The following BCR variants were observed in gnomAD, a reference collection of about 807,000 sequenced individuals.
BCR encodes the protein breakpoint cluster region protein.
BCR carries 58 observed loss-of-function variants against 138.6 expected under a neutral mutation model. That is an observed-to-expected ratio of 0.42 (90% CI 0.34 to 0.52). The LOEUF (loss-of-function observed/expected upper bound fraction) is 0.52. Ranked by LOEUF, BCR falls within the 20% of genes least tolerant of loss-of-function variation. The probability of loss-of-function intolerance (pLI) is 0.06; values close to 1 mark genes in which losing one functional copy is unlikely to be tolerated. For synonymous variants in BCR, 786 were observed against 730.1 expected (o/e 1.08, Z -1.23); for missense variants, 1,599 against 1,727.2 (o/e 0.93, Z 1.32).
chr22:23,231,506 C>CATAAA (rs57803042), intron 1 of BCR, among the ~76,000 whole-genome samples: 23,132 of 128,668 alleles, frequency 0.18, 2,320 homozygotes, highest in South Asian at 0.21. Context: ...GACCCCGTCT[C>CATAAA]ATAAAATAAA....
Position 23,207,173 on chromosome 22 carries a change from C to T in BCR, c.1279+24934C>T, listed in dbSNP as rs537300221. Among the ~76,000 whole-genome samples the T allele has an allele frequency of 4.6e-5, 7 of 152,230 alleles. No homozygotes were observed. In the East Asian group the frequency reaches 1.4e-3, roughly 29 times the overall value. The stretch of plus-strand genomic sequence containing the variant: ...CTGGGGTCCAAGCACAATGCTTAGG[C>T]CTTGACTTTGTCCTTGACCTCAAGG... On this transcript the variant is annotated intron_variant, in intron 1 of 22. Coordinates refer to ENST00000305877, the MANE Select transcript of BCR (RefSeq NM_004327.4).
At chr22:23,263,055 C>A in intron 4 of BCR, 1 of 749,442 alleles carries the variant, frequency 1.3e-6, no homozygotes, top group Non-Finnish European at 2.0e-6. Context: ...CAGGGCTAGG[C>A]GGCGGGAGGG....
intron 1 of BCR, among the ~76,000 whole-genome samples, chr22:23,235,910 C>G (rs766821489): frequency 3.3e-5 from 5 of 152,284 alleles, no homozygotes; most frequent in South Asian, 2.1e-4. Context: ...CTGACCTAAT[C>G]ACCCCCAAAG....
chr22:23,209,404 A>G (rs979671881), intron 1 of BCR, among the ~76,000 whole-genome samples: 21 of 152,116 alleles, frequency 1.4e-4, no homozygotes, highest in Non-Finnish European at 2.1e-4. Context: ...ATAATATTCC[A>G]TTGGTAGACA....
chr22:23,273,830 C>T lies in BCR; in HGVS notation c.2115+56C>T, dbSNP rs141780479. 403 of 1,603,926 alleles carry T rather than the reference C, an allele frequency of 2.5e-4. 1 individual carries two copies. Among genetic ancestry groups the T allele is most frequent in the Non-Finnish European group, 3.2e-4 (379 of 1,172,484 alleles). ...CCCATCCTGCTGAGCTGGGGGCATG[C>T]AGGGCCCCTCGATCTGAGGTCTGGA... is the stretch of plus-strand genomic sequence containing the variant. On this transcript the variant is annotated intron_variant, in intron 8 of 22. Transcript: ENST00000305877.
intron 1 of BCR, among the ~76,000 whole-genome samples, chr22:23,191,188 T>C (rs903850680): frequency 2.0e-5 from 3 of 152,234 alleles, no homozygotes; most frequent in African/African-American, 7.2e-5. Context: ...CGCCTCGGCC[T>C]CCCGAAGTGC....
rs368866486 is a variant in BCR at position 23,181,605 on chromosome 22, C to T, written c.645C>T (p.Ser215=). 1.6e-4 allele frequency: 264 copies of T among 1,612,318 alleles called. 2 individuals carry two copies. The highest frequency in any genetic ancestry group is 2.1e-4 in the Non-Finnish European group (242 of 1,179,992). Reference sequence around the variant, plus strand: ...CCATGCAGATGGAGCGCAAAAAGTCCCAGCACGGCGCGGGCTCGAGCGTGG... The same window carrying T: ...CCATGCAGATGGAGCGCAAAAAGTCTCAGCACGGCGCGGGCTCGAGCGTGG... ...SQAMQMERKK[S]QHGAGSSVGD... is the part of the protein sequence containing the mutation. The change falls in exon 1 of 23, where the codon TCC becomes TCT. Residue 215 remains serine, a synonymous_variant. Transcript: ENST00000305877.
At chr22:23,200,012 C>T (rs184331567) in intron 1 of BCR, among the ~76,000 whole-genome samples, 136 of 150,872 alleles carry the variant, frequency 9.0e-4, no homozygotes, top group Non-Finnish European at 1.4e-3. Context: ...GGCATGAACT[C>T]GGGAGGCAGA....
intron 4 of BCR, among the ~76,000 whole-genome samples, chr22:23,267,277 G>A (rs2073453423): frequency 6.6e-6 from 1 of 152,098 alleles, no homozygotes; most frequent in South Asian, 2.1e-4. Context: ...CACGGATGAG[G>A]AAGAACCTAG....
chr22:23,271,098 C>T (rs1241245828), intron 5 of BCR, among the ~76,000 whole-genome samples: 2 of 152,246 alleles, frequency 1.3e-5, no homozygotes, highest in East Asian at 1.9e-4. Context: ...CCTCCATTTA[C>T]AGGATCCTCT....
intron 9 of BCR, 131 bp downstream of exon 9, chr22:23,284,229 C>A: frequency 7.4e-7 from 1 of 1,349,560 alleles, no homozygotes; most frequent in Non-Finnish European, 1.0e-6. Context: ...GGCACAATGC[C>A]AGGCTCCAGG....
At chr22:23,196,868 C>A (rs910609143) in intron 1 of BCR, among the ~76,000 whole-genome samples, 6 of 152,222 alleles carry the variant, frequency 3.9e-5, no homozygotes, top group African/African-American at 1.2e-4. Flanking sequence ...CCGCTCACCT[C>A]CAGCTCTGCG....
At chr22:23,314,285 G>A (rs2074042155) in intron 21 of BCR, among the ~76,000 whole-genome samples, 1 of 152,100 alleles carries the variant, frequency 6.6e-6, no homozygotes, top group Non-Finnish European at 1.5e-5. Context: ...CCTTAAAAAA[G>A]AGCTCAGAGC....
intron 6 of BCR, among the ~76,000 whole-genome samples, chr22:23,272,816 C>G (rs1293942311): frequency 6.6e-6 from 1 of 152,184 alleles, no homozygotes; most frequent in Admixed American, 6.5e-5. Context: ...AGCAGCAGTG[C>G]TGAGCCTTTT....
At chr22:23,284,356 C>T (rs1375565888) in intron 9 of BCR, among the ~76,000 whole-genome samples, 1 of 152,114 alleles carries the variant, frequency 6.6e-6, no homozygotes, top group Non-Finnish European at 1.5e-5. Context: ...AGAAAGGTCA[C>T]CTCAGGACCC....
Position 23,182,231 on chromosome 22 carries a change from G to A in BCR, c.1271G>A (p.Gly424Glu), listed in dbSNP as rs781046421. 1 of 1,568,636 alleles carries A rather than the reference G, an allele frequency of 6.4e-7. No individual in the cohort carries two copies. Among genetic ancestry groups the A allele is most frequent in the Non-Finnish European group, 8.6e-7 (1 of 1,160,894 alleles). Residue 424 changes from glycine (G) to glutamate (E), a missense_variant, in exon 1 of 23, where the codon GGA (glycine) becomes GAA (glutamate). Around this residue, in one of 4 missense-constraint regions of BCR, gnomAD observed 806 missense variants for 635.0 expected, o/e 1.27. Coordinates refer to ENST00000305877, the MANE Select transcript of BCR (RefSeq NM_004327.4). Reference sequence around the variant, plus strand: ...AACGATGGCGAGGGCGCCTTCCATGGAGACGCAGGTGAGTTCCTCACGCCA... The same window carrying A: ...AACGATGGCGAGGGCGCCTTCCATGAAGACGCAGGTGAGTTCCTCACGCCA... ...WPNDGEGAFHGDADGSFGTPP... is the reference protein window; with the variant it reads ...WPNDGEGAFHEDADGSFGTPP...
chr22:23,202,311 T>C (rs1469600113), intron 1 of BCR, among the ~76,000 whole-genome samples: 2 of 152,152 alleles, frequency 1.3e-5, no homozygotes, highest in African/African-American at 4.8e-5. Flanking sequence ...AAAATTATGG[T>C]GAAATATATA....
At chr22:23,197,462 G>A (rs2072497844) in intron 1 of BCR, among the ~76,000 whole-genome samples, 1 of 152,126 alleles carries the variant, frequency 6.6e-6, no homozygotes. Context: ...TCTTATTGTT[G>A]GTTATTTCTT....
At chr22:23,219,598 A>G (rs1049951524) in intron 1 of BCR, among the ~76,000 whole-genome samples, 1 of 152,168 alleles carries the variant, frequency 6.6e-6, no homozygotes, top group Non-Finnish European at 1.5e-5. Flanking sequence ...CACGCATCTC[A>G]GGCAGGCAGG....
Sources: gnomAD v4.1 joint callset for allele counts (sites outside exome capture counted in the v4.1 genomes callset) on GRCh38, gnomAD v4.1.1 for gene constraint, gnomAD v4.1.1 regional missense constraint, MANE v1.5 for transcripts, NCBI Gene and HGNC (gene_info 2026-07-23, HGNC 2026-07-21) for gene names.